Variants in FSTL5 observed in about 807,000 individuals in gnomAD.
FSTL5 encodes the protein follistatin-related protein 5.
A neutral mutation model predicts 89.1 loss-of-function variants in FSTL5; 62 were observed. The ratio of observed to expected loss-of-function variants is 0.70; its 90% CI spans 0.57 to 0.86. The LOEUF is 0.86. FSTL5 is among the 40% of genes least tolerant of loss of function. FSTL5 has a pLI of 0.00. For synonymous variants in FSTL5, 383 were observed against 346.2 expected (o/e 1.11, Z -1.18); for missense variants, 1,057 against 1,001.6 (o/e 1.06, Z -0.75).
chr4:161,406,751 T>A (rs1731393368), intron 15 of FSTL5, among the ~76,000 whole-genome samples: 1 of 152,232 alleles, frequency 6.6e-6, no homozygotes, highest in Admixed American at 6.5e-5. Context: ...ATACCATCTC[T>A]TTTGTGGTTA....
intron 10 of FSTL5, among the ~76,000 whole-genome samples, chr4:161,533,709 C>T (rs74399929): frequency 0.027 from 4,071 of 152,152 alleles, 175 homozygotes; most frequent in African/African-American, 0.091. Context: ...AGGGCCTTCT[C>T]TCTAACTTAT....
intron 15 of FSTL5, among the ~76,000 whole-genome samples, chr4:161,436,693 AACC>A (rs934231074): frequency 6.6e-5 from 10 of 152,206 alleles, no homozygotes; most frequent in Non-Finnish European, 1.0e-4. Context: ...TCTGTATCAA[AACC>A]CTTCATCTAT....
rs116282756 is a variant in FSTL5 at position 161,505,419 on chromosome 4, A to G, written c.1339+4979T>C. 6.7e-3 allele frequency among the ~76,000 whole-genome samples: 1,013 copies of G among 152,254 alleles called. 11 individuals carry two copies. The highest frequency in any genetic ancestry group is 0.023 in the African/African-American group (952 of 41,540). The stretch of plus-strand genomic sequence containing the variant: ...AAAGTTTTTTAGGAGTGAGTGTGTC[A>G]AGCTCTTTTTTAGGCCCTGTTAATC... On this transcript the variant is annotated intron_variant, in intron 11 of 15. Coordinates refer to ENST00000306100, the MANE Select transcript of FSTL5 (RefSeq NM_020116.5).
intron 3 of FSTL5, among the ~76,000 whole-genome samples, chr4:161,996,071 G>T (rs1323947908): frequency 6.6e-6 from 1 of 152,122 alleles, no homozygotes; most frequent in Non-Finnish European, 1.5e-5. Flanking sequence ...GGTAAAGCCT[G>T]GTTCCTAGGA....
intron 8 of FSTL5, among the ~76,000 whole-genome samples, chr4:161,566,100 CTATATATATATATATA>C (rs59511238): frequency 1.8e-3 from 100 of 54,064 alleles, no homozygotes; most frequent in African/African-American, 6.0e-3. Flanking sequence ...TTTTTTTGGA[CTATATATATATATATA>C]TATATATATA....
chr4:162,108,864 C>T (rs188582835), intron 2 of FSTL5, among the ~76,000 whole-genome samples: 16 of 151,872 alleles, frequency 1.1e-4, no homozygotes, highest in African/African-American at 3.1e-4. Context: ...GTCATTTGTT[C>T]GCCATAATTT....
chr4:161,675,839 TA>T (rs1174424388), intron 6 of FSTL5, among the ~76,000 whole-genome samples: 3 of 152,072 alleles, frequency 2.0e-5, no homozygotes, highest in African/African-American at 7.2e-5. Flanking sequence ...ATATGGATAA[TA>T]AAAGTCATAT....
At chr4:161,392,756 C>T (rs1730863725) in intron 15 of FSTL5, among the ~76,000 whole-genome samples, 2 of 152,006 alleles carry the variant, frequency 1.3e-5, no homozygotes, top group African/African-American at 4.8e-5. Flanking sequence ...GTGTTTTATG[C>T]AGGAGTTGAT....
At chr4:161,420,234 C>T (rs543310777) in intron 15 of FSTL5, among the ~76,000 whole-genome samples, 10 of 152,128 alleles carry the variant, frequency 6.6e-5, no homozygotes, top group Non-Finnish European at 1.3e-4. Context: ...AGCTAAGGTG[C>T]TTACTGAAGG....
At chr4:161,514,226 T>TACAC (rs113099103) in intron 10 of FSTL5, among the ~76,000 whole-genome samples, 6 of 150,514 alleles carry the variant, frequency 4.0e-5, no homozygotes, top group African/African-American at 1.5e-4. Context: ...AATAAAGTAT[T>TACAC]ACACACACAC....
intron 15 of FSTL5, among the ~76,000 whole-genome samples, chr4:161,447,431 G>A (rs17041063): frequency 1.3e-5 from 2 of 151,960 alleles, no homozygotes; most frequent in African/African-American, 2.4e-5. Context: ...AGAGGTGCAG[G>A]TCTATTTTGT....
Position 161,878,868 on chromosome 4 carries a change from C to A in FSTL5, c.409+41536G>T, listed in dbSNP as rs563447229. On this transcript the variant is annotated intron_variant, in intron 4 of 15. Transcript: ENST00000306100. ...ATAAAATCACAATTAATTTTTCCAT[C>A]CATTGTTTAATATGAATGTTATCAT... 2.0e-5 allele frequency among the ~76,000 whole-genome samples: 3 copies of A among 152,262 alleles called. No homozygotes were observed. In the East Asian group the frequency reaches 5.8e-4, roughly 29 times the overall value.
intron 15 of FSTL5, among the ~76,000 whole-genome samples, chr4:161,417,458 A>T (rs1384857831): frequency 6.6e-6 from 1 of 152,212 alleles, no homozygotes; most frequent in Non-Finnish European, 1.5e-5. Context: ...TTTATTTAAC[A>T]TGCTTTATTC....
intron 1 of FSTL5, among the ~76,000 whole-genome samples, chr4:162,159,403 AT>A (rs1198350708): frequency 6.6e-6 from 1 of 152,082 alleles, no homozygotes; most frequent in Non-Finnish European, 1.5e-5. Flanking sequence ...TACTTGTGCA[AT>A]GAACTAGTTA....
intron 3 of FSTL5, among the ~76,000 whole-genome samples, chr4:161,977,170 C>CAA (rs1360598097): frequency 1.2e-4 from 19 of 152,092 alleles, no homozygotes; most frequent in Non-Finnish European, 2.9e-5. Context: ...GTTATAATTG[C>CAA]TGCAAGTTGG....
At chr4:161,622,470 C>T (rs181618020) in intron 7 of FSTL5, among the ~76,000 whole-genome samples, 142 of 151,750 alleles carry the variant, frequency 9.4e-4, no homozygotes, top group African/African-American at 3.0e-3. Context: ...CTCCTGAATA[C>T]AGAAAAAAGT....
At chr4:162,064,017 G>T (rs1738805433) in intron 2 of FSTL5, among the ~76,000 whole-genome samples, 1 of 151,698 alleles carries the variant, frequency 6.6e-6, no homozygotes. Flanking sequence ...TTCTTCTCTT[G>T]GCCATAAGTT....
rs1733962628 is a variant in FSTL5, at chr4:161,920,497, C to T, written c.316G>A (p.Glu106Lys). ...HYKPVCGSDG[E>K]FYENHCEVHR... ...ACTTCACAGTGGTTTTCATAGAATT[C>T]TCCGTCAGATCCACACACAGGTTTG... Residue 106 changes from glutamate to lysine, a missense_variant, in exon 4 of 16, where the codon GAA becomes AAA. Glu to Lys is a moderately conservative substitution (Grantham distance 56, BLOSUM62 1). Coordinates refer to ENST00000306100, the MANE Select transcript of FSTL5 (RefSeq NM_020116.5). 8 of 1,613,094 alleles carry T rather than the reference C, an allele frequency of 5.0e-6. No homozygotes were observed. In the South Asian group the frequency reaches 6.6e-5, roughly 13 times the overall value.
chr4:161,786,540 G>A (rs955306338), intron 4 of FSTL5, among the ~76,000 whole-genome samples: 5 of 152,080 alleles, frequency 3.3e-5, no homozygotes, highest in African/African-American at 9.6e-5. Flanking sequence ...TAGCCTGGAT[G>A]CTAGCCTTAA....
Sources: gnomAD v4.1 joint callset for allele counts (sites outside exome capture counted in the v4.1 genomes callset) on GRCh38, gnomAD v4.1.1 for gene constraint, MANE v1.5 for transcripts, NCBI Gene and HGNC (gene_info 2026-07-23, HGNC 2026-07-21) for gene names.